PLCG2: variants seen among roughly 807,000 people sequenced by gnomAD.
PLCG2 encodes 1-phosphatidylinositol 4,5-bisphosphate phosphodiesterase gamma-2.
A neutral mutation model predicts 175.6 loss-of-function variants in PLCG2; 69 were observed. The observed-to-expected ratio is 0.39, with a 90% CI of 0.32 to 0.48. The LOEUF (loss-of-function observed/expected upper bound fraction) is 0.48, where lower values mean the gene tolerates loss of function less well. Ranked by LOEUF, PLCG2 falls within the 20% of genes least tolerant of loss-of-function variation. The pLI, the probability that PLCG2 is intolerant of heterozygous loss-of-function variation, is 0.91. For synonymous variants in PLCG2, 827 were observed against 624.0 expected, an observed-to-expected ratio of 1.33 and a Z score of -4.85; for missense variants, 1,798 against 1,650.9, an observed-to-expected ratio of 1.09 and a Z score of -1.54.
At chr16:81,757,727 C>G (rs933275638) in intron 2 of PLCG2, among the ~76,000 whole-genome samples, 18 of 152,262 alleles carry the variant, frequency 1.2e-4, no homozygotes, top group Non-Finnish European at 1.6e-4. Context: ...AGTGTATTCA[C>G]AGAGCACTGA....
intron 2 of PLCG2, among the ~76,000 whole-genome samples, chr16:81,849,772 A>G (rs1158978394): frequency 2.8e-4 from 5 of 17,870 alleles, no homozygotes; most frequent in South Asian, 2.6e-3. Flanking sequence ...ACTCTGTCTC[A>G]AAAAAAAAAA....
At chr16:81,796,666 A>G (rs1191363632) in intron 2 of PLCG2, among the ~76,000 whole-genome samples, 1 of 152,234 alleles carries the variant, frequency 6.6e-6, no homozygotes, top group Non-Finnish European at 1.5e-5. Context: ...CCCTAATCCA[A>G]TATGACTGGT....
At chr16:81,841,368 G>C (rs1905820866) in intron 2 of PLCG2, among the ~76,000 whole-genome samples, 1 of 151,998 alleles carries the variant, frequency 6.6e-6, no homozygotes, top group Non-Finnish European at 1.5e-5. Flanking sequence ...GAGTAGCTGG[G>C]ATTACAGGCA....
chr16:81,882,717 GCACCTCCTTCTTGCTCACCC>G (rs1226724241), intron 8 of PLCG2, among the ~76,000 whole-genome samples: 1 of 151,422 alleles, frequency 6.6e-6, no homozygotes, highest in African/African-American at 2.4e-5. Flanking sequence ...GGTACTCTCT[GCACCTCCTTCTTGCTCACCC>G]CACCTCATTC....
At chr16:81,827,484 C>T (rs559417434) in intron 2 of PLCG2, among the ~76,000 whole-genome samples, 7 of 152,124 alleles carry the variant, frequency 4.6e-5, no homozygotes, top group South Asian at 2.1e-4. Flanking sequence ...TCACTGTACC[C>T]GGCCTGCATT....
chr16:81,932,646 G>C (rs1910549894), intron 25 of PLCG2, among the ~76,000 whole-genome samples: 1 of 152,226 alleles, frequency 6.6e-6, no homozygotes, highest in Non-Finnish European at 1.5e-5. Context: ...ATCTTGGCCA[G>C]TCCCTGGTCA....
At chr16:81,946,057 G>C (rs1007235384) in intron 30 of PLCG2, 118 bp from the exon 31 acceptor site, 2 of 757,342 alleles carry the variant, frequency 2.6e-6, no homozygotes, top group African/African-American at 3.4e-5. Context: ...CCCCAGCATG[G>C]GGCACTGACT....
intron 5 of PLCG2, among the ~76,000 whole-genome samples, chr16:81,867,160 C>T (rs528685417): frequency 1.8e-4 from 28 of 152,320 alleles, no homozygotes; most frequent in Non-Finnish European, 3.4e-4. Context: ...CACACTGGAC[C>T]GTCTCCAGGG....
intron 17 of PLCG2, 104 bp from the exon 18 acceptor site, chr16:81,910,416 G>A (rs1203401274): frequency 1.0e-6 from 1 of 974,628 alleles, no homozygotes. Context: ...AGGAGCAGAG[G>A]GAAGGTTGTG....
At chr16:81,829,760 A>T (rs1205296923) in intron 2 of PLCG2, among the ~76,000 whole-genome samples, 1 of 152,086 alleles carries the variant, frequency 6.6e-6, no homozygotes, top group East Asian at 1.9e-4. Context: ...GACAAGAGCC[A>T]TTTTGTCCAC....
intron 5 of PLCG2, among the ~76,000 whole-genome samples, chr16:81,862,284 A>G (rs925666021): frequency 6.6e-6 from 1 of 152,268 alleles, no homozygotes; most frequent in South Asian, 2.1e-4. Context: ...GCTTGGCCCA[A>G]GCACGCTGTT....
intron 28 of PLCG2, 183 bp from the exon 29 acceptor site, chr16:81,938,618 G>GTGA (rs1910812874): frequency 8.6e-6 from 5 of 584,062 alleles, no homozygotes; most frequent in Non-Finnish European, 1.5e-5. Flanking sequence ...GAGGAACTGT[G>GTGA]GGATCTACCA....
At chr16:81,915,710 C>T (rs933363622) in intron 19 of PLCG2, among the ~76,000 whole-genome samples, 3 of 152,194 alleles carry the variant, frequency 2.0e-5, no homozygotes, top group African/African-American at 4.8e-5. Flanking sequence ...TGCTGTGGAT[C>T]GGGAAGCTGA....
At chr16:81,881,379 G>C (rs1307967379) in intron 8 of PLCG2, among the ~76,000 whole-genome samples, 1 of 152,184 alleles carries the variant, frequency 6.6e-6, no homozygotes. Context: ...ACCCATGAGG[G>C]GCTGATAGAT....
intron 31 of PLCG2, among the ~76,000 whole-genome samples, chr16:81,948,298 TTAACATGG>T (rs1911232057): frequency 1.4e-5 from 2 of 143,198 alleles, no homozygotes; most frequent in African/African-American, 4.9e-5. Flanking sequence ...CTGGAATGAT[TTAACATGG>T]TGAGATCCCG....
intron 2 of PLCG2, among the ~76,000 whole-genome samples, chr16:81,806,494 A>G (rs1194864981): frequency 3.3e-5 from 5 of 152,090 alleles, no homozygotes; most frequent in African/African-American, 1.2e-4. Flanking sequence ...TAATCACAGT[A>G]GAACCTTTCT....
At chr16:81,840,286 A>G (rs972915432) in intron 2 of PLCG2, among the ~76,000 whole-genome samples, 2 of 152,070 alleles carry the variant, frequency 1.3e-5, no homozygotes, top group African/African-American at 4.8e-5. Context: ...GGATGCCCAT[A>G]GGTGTCTCAG....
chr16:81,932,239 C>G (rs980330836), intron 25 of PLCG2, among the ~76,000 whole-genome samples: 2 of 130,282 alleles, frequency 1.5e-5, no homozygotes, highest in Admixed American at 8.7e-5. Flanking sequence ...ATTGGGCAGA[C>G]TGGAGTTTGC....
intron 2 of PLCG2, among the ~76,000 whole-genome samples, chr16:81,794,643 C>A (rs1232629336): frequency 1.3e-5 from 2 of 152,204 alleles, no homozygotes; most frequent in South Asian, 2.1e-4. Flanking sequence ...AGAACACACC[C>A]CATAAGACTC....
Sources: gnomAD v4.1 joint callset for allele counts (sites outside exome capture counted in the v4.1 genomes callset) on GRCh38, gnomAD v4.1.1 for gene constraint, MANE v1.5 for transcripts, NCBI Gene and HGNC (gene_info 2026-07-23, HGNC 2026-07-21) for gene names.